CPB1: variants seen among roughly 807,000 people sequenced by gnomAD.
CPB1 encodes the protein carboxypeptidase B.
In CPB1, 53 loss-of-function variants were observed where a neutral mutation model predicts 51.4. The observed-to-expected ratio is 1.03, with a 90% CI of 0.83 to 1.30. CPB1 has a LOEUF of 1.30. Ranked by LOEUF, CPB1 falls within the 50% of genes most tolerant of loss-of-function variation. The pLI is 0.00. For missense variants in CPB1, 494 were observed against 516.2 expected (o/e 0.96, Z 0.42); for synonymous variants, 189 against 186.9 (o/e 1.01, Z -0.09).
Position 148,834,408 on chromosome 3 carries a change from TAACTC to T in CPB1, c.148-87_148-83del, listed in dbSNP as rs544267050. Reference sequence around the variant, plus strand: ...TTCATGGATGATTTGATTTTGAAAATAACTCAATTCAGTAGAGCAATAATGTGCTC... The same window carrying T: ...TTCATGGATGATTTGATTTTGAAAATAATTCAGTAGAGCAATAATGTGCTC... On this transcript the variant is annotated intron_variant, in intron 2 of 10. Transcript: ENST00000282957. 130 of 1,217,150 alleles carry T rather than the reference TAACTC, an allele frequency of 1.1e-4. 1 individual carries two copies. The East Asian group carries it at 2.0e-3, about 18-fold the overall frequency. The allele number at this position is 1,217,150 out of a possible 1,614,324, so 75.4% of individuals were successfully genotyped here. A position where few individuals can be genotyped will look rare whatever the true frequency, so the allele number is the denominator to read the frequency against.
chr3:148,837,910 A>G (rs1300860931), intron 3 of CPB1, among the ~76,000 whole-genome samples: 1 of 152,122 alleles, frequency 6.6e-6, no homozygotes, highest in Non-Finnish European at 1.5e-5. Context: ...GTCTCTTAGT[A>G]CCAAACAAAA....
At chr3:148,857,592 A>G (rs1713619042) in intron 10 of CPB1, 51 bp downstream of exon 10, 3 of 1,432,480 alleles carry the variant, frequency 2.1e-6, no homozygotes, top group Non-Finnish European at 2.9e-6. Context: ...TAAAAAGCCA[A>G]CGAAAGGTTC....
chr3:148,839,569 T>C (rs1713015613), intron 3 of CPB1, among the ~76,000 whole-genome samples: 1 of 152,226 alleles, frequency 6.6e-6, no homozygotes, highest in Non-Finnish European at 1.5e-5. Context: ...GTTTATCTTT[T>C]GCTAGGAAAC....
At chr3:148,855,123 G>C (rs899583018) in intron 9 of CPB1, 1 of 152,168 alleles carries the variant, frequency 6.6e-6, no homozygotes, top group African/African-American at 2.4e-5. Flanking sequence ...TGCAACAACT[G>C]TTTTTGCCAA....
Position 148,840,916 on chromosome 3 carries a change from C to T in CPB1, c.415C>T (p.Leu139Phe), listed in dbSNP as rs771920148. 6 of 1,614,002 alleles carry T rather than the reference C, an allele frequency of 3.7e-6. No homozygotes were observed. Among genetic ancestry groups the T allele is most frequent in the Non-Finnish European group, 3.4e-6 (4 of 1,180,026 alleles). Residue 139 changes from leucine to phenylalanine, a missense_variant, in exon 5 of 11, where the codon CTC (leucine) becomes TTC (phenylalanine). Leu to Phe is a conservative substitution (Grantham distance 22). Transcript: ENST00000282957. ...TQQVATENPA[L>F]ISRSVIGTTF... Reference sequence around the variant, plus strand: ...ACAAGTCGCCACTGAGAATCCAGCCCTCATCTCTCGCAGTGTTATCGGAAC... The same window carrying T: ...ACAAGTCGCCACTGAGAATCCAGCCTTCATCTCTCGCAGTGTTATCGGAAC...
chr3:148,857,689 C>CCA (rs1553768006), intron 10 of CPB1, 148 bp downstream of exon 10: 4 of 316,466 alleles, frequency 1.3e-5, no homozygotes, highest in Admixed American at 4.9e-5. Flanking sequence ...GTTTTCTGTT[C>CCA]AAAAAAAAAA....
At chr3:148,856,106 A>G (rs907160893) in intron 9 of CPB1, 1 of 152,230 alleles carries the variant, frequency 6.6e-6, no homozygotes, top group Admixed American at 6.5e-5. Flanking sequence ...CCACAACAGT[A>G]AAGATTTCAT....
rs143479075 is a variant in CPB1 at position 148,840,937 on chromosome 3, G to A, written c.436G>A (p.Gly146Arg). The change falls in exon 5 of 11, where the codon GGA becomes AGA. Residue 146 changes from glycine to arginine, a missense_variant. Transcript: ENST00000282957. ...AGCCCTCATCTCTCGCAGTGTTATC[G>A]GAACCACATTTGAGGGACGCGCTAT... is the stretch of plus-strand genomic sequence containing the variant. ...NPALISRSVIGTTFEGRAIYL... is the reference protein window; with the variant it reads ...NPALISRSVIRTTFEGRAIYL... The A allele has an allele frequency of 2.7e-5, 44 of 1,613,790 alleles. No homozygotes were observed. The highest frequency in any genetic ancestry group is 5.3e-5 in the African/African-American group (4 of 74,858).
chr3:148,831,940 T>G (rs1712750493), intron 2 of CPB1, among the ~76,000 whole-genome samples: 1 of 152,162 alleles, frequency 6.6e-6, no homozygotes, highest in Non-Finnish European at 1.5e-5. Context: ...GCTATAGCAT[T>G]GCTCCTGATT....
chr3:148,840,867 T>C lies in CPB1; in HGVS notation c.373-7T>C, dbSNP rs750693520. ...CACATTGATCTACAAATGATTCCAT[T>C]TGGTAGATAGAGGCTTGGACTCAAC... On this transcript the variant is annotated splice_polypyrimidine_tract_variant and splice_region_variant and intron_variant, in intron 4 of 10. Transcript: ENST00000282957. 6.2e-7 allele frequency: 1 copy of C among 1,614,096 alleles called. No individual in the cohort carries two copies. The highest frequency in any genetic ancestry group is 1.1e-5 in the South Asian group (1 of 91,082).
At chr3:148,846,558 A>G (rs1034609514) in intron 9 of CPB1, among the ~76,000 whole-genome samples, 1 of 151,538 alleles carries the variant, frequency 6.6e-6, no homozygotes, top group African/African-American at 2.4e-5. Flanking sequence ...TTATACTTTC[A>G]GATTCAGTCT....
At chr3:148,838,747 A>G (rs954023379) in intron 3 of CPB1, among the ~76,000 whole-genome samples, 4 of 152,188 alleles carry the variant, frequency 2.6e-5, no homozygotes, top group Admixed American at 6.5e-5. Context: ...TTGGATATTT[A>G]CTAATCAAAT....
rs766824258 is a variant in CPB1, at chr3:148,859,737, T to C, written c.1067-78T>C. The C allele has an allele frequency of 1.5e-4, 208 of 1,414,364 alleles. No individual in the cohort carries two copies. In the Admixed American group the frequency reaches 1.6e-3, roughly 11 times the overall value. The allele number at this position is 1,414,364 out of a possible 1,614,324, so 87.6% of individuals were successfully genotyped here. ...ATTTTGCACAGTGAAACATTTGTAA[T>C]GAAAAAAGAAACTGGCAATTTTTTA... is the stretch of plus-strand genomic sequence containing the variant. On this transcript the variant is annotated intron_variant, in intron 10 of 10. Transcript: ENST00000282957.
At chr3:148,844,917 T>A in intron 8 of CPB1, 150 bp downstream of exon 8, 1 of 722,686 alleles carries the variant, frequency 1.4e-6, no homozygotes, top group Non-Finnish European at 2.3e-6. Context: ...AAAACCAGTT[T>A]AATTCATTTG....
intron 5 of CPB1, 117 bp from the exon 6 acceptor site, chr3:148,841,706 G>T: frequency 1.5e-6 from 1 of 675,206 alleles, no homozygotes. Context: ...ATGGGATCCA[G>T]CTCTTGCTGC....
intron 2 of CPB1, 28 bp downstream of exon 2, chr3:148,828,105 A>G (rs1712625678): frequency 6.4e-7 from 1 of 1,561,866 alleles, no homozygotes; most frequent in Non-Finnish European, 8.8e-7. Flanking sequence ...TTTACTTCAC[A>G]TCTAATTTAA....
chr3:148,845,076 A>C lies in CPB1; in HGVS notation c.778+309A>C, dbSNP rs1576571124. 2.0e-5 allele frequency among the ~76,000 whole-genome samples: 3 copies of C among 152,112 alleles called. No homozygotes were observed. In the East Asian group the frequency reaches 5.8e-4, roughly 29 times the overall value. On this transcript the variant is annotated intron_variant, in intron 8 of 10. Coordinates refer to ENST00000282957, the MANE Select transcript of CPB1 (RefSeq NM_001871.3). ...ATTAAATAAATAATTATTTACATAA[A>C]ATCGTAATGCAATTAAGAATGATCA...
chr3:148,846,418 A>G (rs1379899616), intron 9 of CPB1, among the ~76,000 whole-genome samples: 2 of 152,094 alleles, frequency 1.3e-5, no homozygotes, highest in African/African-American at 2.4e-5. Flanking sequence ...AAGAGCAAAT[A>G]TAAGATTTAA....
At chr3:148,856,469 A>G (rs549097169) in intron 9 of CPB1, 1 of 152,362 alleles carries the variant, frequency 6.6e-6, no homozygotes, top group South Asian at 2.1e-4. Flanking sequence ...TGATTTCATC[A>G]CCAACCTCAC....
Sources: gnomAD v4.1 joint callset for allele counts (sites outside exome capture counted in the v4.1 genomes callset) on GRCh38, gnomAD v4.1.1 for gene constraint, MANE v1.5 for transcripts, NCBI Gene and HGNC (gene_info 2026-07-23, HGNC 2026-07-21) for gene names.